The following TRANK1 variants were observed in gnomAD, a reference collection of about 807,000 sequenced individuals.
TRANK1 encodes TPR and ankyrin repeat-containing protein 1.
TRANK1 carries 198 observed loss-of-function variants against 266.0 expected under a neutral mutation model. That is an observed-to-expected ratio of 0.74 (90% confidence interval 0.66 to 0.84). The LOEUF (loss-of-function observed/expected upper bound fraction) is 0.84, where lower values mean the gene tolerates loss of function less well. Among genes scored for constraint, TRANK1 ranks in the 40% least tolerant of loss-of-function variants. TRANK1 has a pLI of 0.00. For synonymous variants in TRANK1, 1,396 were observed against 1,384.1 expected (o/e 1.01, Z -0.19); for missense variants, 3,326 against 3,634.6 (o/e 0.92, Z 2.18).
intron 1 of TRANK1, among the ~76,000 whole-genome samples, chr3:36,915,556 C>T (rs1029308212): frequency 6.6e-6 from 1 of 152,174 alleles, no homozygotes; most frequent in Admixed American, 6.5e-5. Context: ...ATTCATATAG[C>T]ATCTACCCTA....
chr3:36,832,364 T>A lies in TRANK1; in HGVS notation c.7219A>T (p.Ile2407Phe). Residue 2407 changes from isoleucine to phenylalanine, a missense_variant, in exon 22 of 24, where the codon ATC (isoleucine) becomes TTC (phenylalanine). Coordinates refer to ENST00000645898, the MANE Select transcript of TRANK1 (RefSeq NM_001329998.2). ...TCAATGCAATTCTCCAGAAGCCGGA[T>A]GAAGCACAGGTGGGTCTTGTCCATA... ...ENMDKTHLCFIRLLENCIDQF... is the reference protein window; with the variant it reads ...ENMDKTHLCFFRLLENCIDQF... 6.2e-7 allele frequency: 1 copy of A among 1,614,048 alleles called. No homozygotes were observed. The highest frequency in any genetic ancestry group is 8.5e-7 in the Non-Finnish European group (1 of 1,179,900).
chr3:36,897,082 A>G (rs2125614405), intron 4 of TRANK1, among the ~76,000 whole-genome samples: 1 of 152,260 alleles, frequency 6.6e-6, no homozygotes. Context: ...CAGGTGGATC[A>G]CCTGAGGTTA....
In TRANK1 at chr3:36,899,093, C is replaced by T; in HGVS notation, c.433+16G>A. ...TAGCAAGGACTTTACAAAAAGTCTC[C>T]CCAGTTCCAACTTACTGCTCATAGT... is the stretch of plus-strand genomic sequence containing the variant. On this transcript the variant is annotated intron_variant, in intron 4 of 23. Coordinates refer to ENST00000645898, the MANE Select transcript of TRANK1 (RefSeq NM_001329998.2). The T allele has an allele frequency of 6.5e-7, 1 of 1,536,714 alleles. No individual in the cohort carries two copies. Among genetic ancestry groups the T allele is most frequent in the South Asian group, 1.2e-5 (1 of 84,010 alleles).
chr3:36,848,704 C>CACTTT (rs2078946959), intron 15 of TRANK1, among the ~76,000 whole-genome samples: 2 of 152,178 alleles, frequency 1.3e-5, no homozygotes, highest in Middle Eastern at 3.2e-3. Flanking sequence ...ATCATGAAAT[C>CACTTT]ACTTAGGTAG....
Position 36,889,920 on chromosome 3 carries a change from G to A in TRANK1, c.816C>T (p.Pro272=), listed in dbSNP as rs79355931. 68,090 of 1,537,040 alleles carry A rather than the reference G, an allele frequency of 0.044. 1,780 individuals carry two copies. Among genetic ancestry groups the A allele is most frequent in the Non-Finnish European group, 0.051 (58,691 of 1,146,834 alleles). Residue 272 remains proline, a synonymous_variant, in exon 8 of 24, where the codon CCC becomes CCT. Coordinates refer to ENST00000645898, the MANE Select transcript of TRANK1 (RefSeq NM_001329998.2). ...HLFRWLMDHK[P]EWKGRINQKD... is the part of the protein sequence containing the mutation. ...TCTGGTTAATGCGGCCTTTCCACTC[G>A]GGCTTGTGATCCATTAACCACCGGA... is the stretch of plus-strand genomic sequence containing the variant.
Position 36,881,345 on chromosome 3 carries a change from G to T in TRANK1, c.908-7049C>A, listed in dbSNP as rs1575255387. 3.3e-5 allele frequency among the ~76,000 whole-genome samples: 5 copies of T among 152,096 alleles called. No individual in the cohort carries two copies. The East Asian group carries it at 9.7e-4, about 29-fold the overall frequency. Reference sequence around the variant, plus strand: ...CATGCGCCTGTAGTCCCAGATACTGGGGAGGCTGAGGCAGAATGGCGTGAA... The same window carrying T: ...CATGCGCCTGTAGTCCCAGATACTGTGGAGGCTGAGGCAGAATGGCGTGAA... On this transcript the variant is annotated intron_variant, in intron 8 of 23. Transcript: ENST00000645898.
Position 36,833,386 on chromosome 3 carries a change from A to G in TRANK1, c.6197T>C (p.Leu2066Pro). The G allele has an allele frequency of 6.2e-7, 1 of 1,613,840 alleles. No individual in the cohort carries two copies. Among genetic ancestry groups the G allele is most frequent in the Non-Finnish European group, 8.5e-7 (1 of 1,179,824 alleles). The change falls in exon 22 of 24, where the codon CTC (leucine) becomes CCC (proline). Residue 2066 changes from leucine to proline, a missense_variant. Physicochemically the swap from Leu to Pro is moderately conservative, Grantham distance 98 (BLOSUM62 -3). Transcript: ENST00000645898. ...LNHSAGVVEA[L>P]YEAASQCEAE... ...CTCACACTGGCTGGCTGCTTCGTAG[A>G]GTGCTTCCACCACTCCAGCTGAGTG...
At chr3:36,863,798 G>A (rs2079176113) in intron 10 of TRANK1, among the ~76,000 whole-genome samples, 1 of 152,100 alleles carries the variant, frequency 6.6e-6, no homozygotes, top group African/African-American at 2.4e-5. Flanking sequence ...AGGTTTCTCT[G>A]GCCATGCCTT....
Position 36,832,493 on chromosome 3 carries a change from C to T in TRANK1, c.7090G>A (p.Ala2364Thr). ...CTTTCATCCTTTTCAGACTCTAGAG[C>T]TTTGAGTTCCCTGTTGTAGTTGTCC... ...EEDNYNRELK[A>T]LESEKDERGR... Residue 2364 changes from alanine to threonine, a missense_variant, in exon 22 of 24, where the codon GCT (alanine) becomes ACT (threonine). Physicochemically the swap from Ala to Thr is moderately conservative, Grantham distance 58. Coordinates refer to ENST00000645898, the MANE Select transcript of TRANK1 (RefSeq NM_001329998.2). 3 of 1,613,924 alleles carry T rather than the reference C, an allele frequency of 1.9e-6. No individual in the cohort carries two copies. Among genetic ancestry groups the T allele is most frequent in the South Asian group, 1.1e-5 (1 of 91,072 alleles).
intron 1 of TRANK1, among the ~76,000 whole-genome samples, chr3:36,922,506 G>A (rs1466793126): frequency 6.6e-6 from 1 of 152,114 alleles, no homozygotes; most frequent in Non-Finnish European, 1.5e-5. Flanking sequence ...TCAGGAGGCT[G>A]AGGCAGGAGA....
chr3:36,848,671 A>G (rs774039019), intron 15 of TRANK1, among the ~76,000 whole-genome samples: 6 of 152,250 alleles, frequency 3.9e-5, no homozygotes, highest in Middle Eastern at 3.2e-3. Context: ...AATCAATTAT[A>G]GTACTAATCA....
chr3:36,855,606 T>C lies in TRANK1; in HGVS notation c.4116A>G (p.Val1372=). The part of the protein sequence containing the change: ...SCPHGRLTEE[V]YKKLGRKRCP... ...ACCGTTTCCTCCCTAATTTCTTATA[T>C]ACTTCTTCAGTGAGTCTCCCATGGG... Residue 1372 remains valine, a synonymous_variant, in exon 13 of 24, where the codon GTA becomes GTG. Transcript: ENST00000645898. 6.2e-7 allele frequency: 1 copy of C among 1,613,936 alleles called. No individual in the cohort carries two copies. The highest frequency in any genetic ancestry group is 1.3e-5 in the African/African-American group (1 of 75,016).
At chr3:36,853,810 T>C (rs2079014991) in intron 13 of TRANK1, among the ~76,000 whole-genome samples, 3 of 152,104 alleles carry the variant, frequency 2.0e-5, no homozygotes, top group Non-Finnish European at 4.4e-5. Context: ...ATGTCCACAA[T>C]AGGCAGATCC....
chr3:36,865,635 G>A (rs948506043), intron 9 of TRANK1, among the ~76,000 whole-genome samples: 3 of 152,112 alleles, frequency 2.0e-5, no homozygotes, highest in African/African-American at 7.2e-5. Context: ...AGTTTGGGAG[G>A]CTGAAACGGG....
intron 4 of TRANK1, among the ~76,000 whole-genome samples, chr3:36,897,699 T>C (rs2079813082): frequency 6.6e-6 from 1 of 152,228 alleles, no homozygotes; most frequent in Admixed American, 6.5e-5. Flanking sequence ...TTCTAACATC[T>C]CTGAAATCAG....
rs1302689150 is a variant in TRANK1 at position 36,832,270 on chromosome 3, A to G, written c.7313T>C (p.Ile2438Thr). 3 of 1,613,966 alleles carry G rather than the reference A, an allele frequency of 1.9e-6. No individual in the cohort carries two copies. In the Admixed American group the frequency reaches 5.0e-5, roughly 27 times the overall value. ...RLFFRFMNVL[I>T]KRCKEPLIPS... is the part of the protein sequence containing the mutation. Reference sequence around the variant, plus strand: ...GATGAGTGGTTCTTTGCACCTCTTGATGAGGACATTCATGAAACGGAAAAA... The same window carrying G: ...GATGAGTGGTTCTTTGCACCTCTTGGTGAGGACATTCATGAAACGGAAAAA... The change falls in exon 22 of 24, where the codon ATC becomes ACC. Residue 2438 changes from isoleucine to threonine, a missense_variant. Transcript: ENST00000645898.
chr3:36,924,444 T>C (rs772422685), intron 1 of TRANK1, among the ~76,000 whole-genome samples: 16 of 152,156 alleles, frequency 1.1e-4, no homozygotes, highest in Non-Finnish European at 2.4e-4. Context: ...CATCTATCCT[T>C]CAAACTCACC....
intron 21 of TRANK1, chr3:36,834,534 C>T (rs1029552233): frequency 6.3e-6 from 3 of 473,168 alleles, no homozygotes; most frequent in African/African-American, 4.0e-5. Context: ...CCATCCCCCT[C>T]AGCCCCCTCT....
intron 6 of TRANK1, 81 bp from the exon 7 acceptor site, chr3:36,892,421 T>G (rs957829949): frequency 2.2e-5 from 33 of 1,479,236 alleles, no homozygotes; most frequent in Non-Finnish European, 2.7e-5. Context: ...CCATAAAGTA[T>G]GGAATCAGTA....
Sources: allele counts gnomAD v4.1 joint callset (sites outside exome capture counted in the v4.1 genomes callset), GRCh38; gene constraint gnomAD v4.1.1; transcripts MANE v1.5; gene names NCBI Gene and HGNC (gene_info 2026-07-23, HGNC 2026-07-21).